The following SPECC1 variants were observed in gnomAD, a reference collection of about 807,000 sequenced individuals.
SPECC1 encodes sperm antigen with calponin homology and coiled-coil domains 1.
Under a neutral mutation model 104.1 loss-of-function variants are expected in SPECC1, and 62 were observed. The ratio of observed to expected loss-of-function variants is 0.60; its 90% confidence interval spans 0.49 to 0.74. SPECC1 has a LOEUF of 0.74. Ranked by LOEUF, SPECC1 falls within the 30% of genes least tolerant of loss-of-function variation. SPECC1 has a pLI of 0.00. For synonymous variants in SPECC1, 513 were observed against 501.6 expected (o/e 1.02, Z -0.30); for missense variants, 1,306 against 1,310.5 (o/e 1.00, Z 0.05).
At chr17:20,069,279 G>T (rs966579280) in intron 1 of SPECC1, among the ~76,000 whole-genome samples, 5 of 152,222 alleles carry the variant, frequency 3.3e-5, no homozygotes, top group Non-Finnish European at 7.3e-5. Context: ...TATAAAGGAC[G>T]TGATCTTGTT....
chr17:20,248,854 GTGTTT>G (rs2039520663), intron 9 of SPECC1, among the ~76,000 whole-genome samples: 1 of 151,918 alleles, frequency 6.6e-6, no homozygotes, highest in African/African-American at 2.4e-5. Context: ...TGTTTGTGTT[GTGTTT>G]TAAGATTTTG....
At chr17:20,178,195 T>C (rs1443867539) in intron 3 of SPECC1, among the ~76,000 whole-genome samples, 2 of 152,164 alleles carry the variant, frequency 1.3e-5, no homozygotes, top group Non-Finnish European at 2.9e-5. Context: ...TCCTCTCTAT[T>C]TTAAATAATA....
intron 3 of SPECC1, among the ~76,000 whole-genome samples, chr17:20,176,444 T>G (rs940344857): frequency 3.9e-5 from 6 of 152,300 alleles, no homozygotes; most frequent in African/African-American, 1.4e-4. Context: ...CTTCTTGCCT[T>G]CTCTAAGGTA....
chr17:20,198,535 C>A (rs1176837041), intron 3 of SPECC1, among the ~76,000 whole-genome samples: 3 of 152,166 alleles, frequency 2.0e-5, no homozygotes, highest in African/African-American at 7.2e-5. Context: ...ACTCTGTCAC[C>A]CACAGCCATT....
intron 1 of SPECC1, among the ~76,000 whole-genome samples, chr17:20,054,757 T>C (rs375118340): frequency 6.6e-5 from 10 of 152,202 alleles, no homozygotes; most frequent in African/African-American, 2.4e-4. Flanking sequence ...AGCCTTGACC[T>C]CCTGGGCTCA....
At chr17:20,070,619 A>T (rs2046513062) in intron 1 of SPECC1, among the ~76,000 whole-genome samples, 1 of 152,184 alleles carries the variant, frequency 6.6e-6, no homozygotes, top group South Asian at 2.1e-4. Flanking sequence ...CCATAATCTA[A>T]CCAATTAGAC....
At chr17:20,032,968 A>T (rs998262855) in intron 1 of SPECC1, among the ~76,000 whole-genome samples, 82 of 141,940 alleles carry the variant, frequency 5.8e-4, no homozygotes, top group East Asian at 4.4e-3. Flanking sequence ...ATATATGTAT[A>T]TTTTTTTTTT....
chr17:20,133,028 C>T (rs994404833), intron 3 of SPECC1, among the ~76,000 whole-genome samples: 2 of 152,104 alleles, frequency 1.3e-5, no homozygotes, highest in East Asian at 1.9e-4. Flanking sequence ...TGTGAGCCAC[C>T]GTGCCTAGCC....
intron 1 of SPECC1, among the ~76,000 whole-genome samples, chr17:20,019,859 GGCTTCTTTGTCA>G (rs2044302804): frequency 2.6e-5 from 1 of 38,102 alleles, no homozygotes; most frequent in African/African-American, 1.3e-4. Context: ...TTTCATCACT[GGCTTCTTTGTCA>G]CTGGCTTCTT....
chr17:20,176,170 G>C (rs904802908), intron 3 of SPECC1, among the ~76,000 whole-genome samples: 11 of 152,228 alleles, frequency 7.2e-5, no homozygotes, highest in Middle Eastern at 3.4e-3. Context: ...GTGTAAAATG[G>C]GGCTGTTAGT....
intron 3 of SPECC1, among the ~76,000 whole-genome samples, chr17:20,160,252 G>A (rs2033011651): frequency 6.6e-6 from 1 of 152,138 alleles, no homozygotes; most frequent in African/African-American, 2.4e-5. Context: ...GGGGCCATCA[G>A]CAGGTGGTTG....
At chr17:20,044,748 A>C (rs537877830) in intron 1 of SPECC1, among the ~76,000 whole-genome samples, 5 of 152,322 alleles carry the variant, frequency 3.3e-5, no homozygotes, top group Admixed American at 2.6e-4. Flanking sequence ...TCTAGCTTTG[A>C]GACTATAATG....
chr17:20,031,414 G>A (rs188626531), intron 1 of SPECC1, among the ~76,000 whole-genome samples: 9 of 152,266 alleles, frequency 5.9e-5, no homozygotes, highest in African/African-American at 1.9e-4. Context: ...CCGCCTTCTG[G>A]TTTCAAGCAA....
intron 12 of SPECC1, among the ~76,000 whole-genome samples, chr17:20,295,639 G>A (rs2041324290): frequency 6.6e-6 from 1 of 152,212 alleles, no homozygotes. Context: ...CCCACCAACA[G>A]TGTAAAAGTG....
At chr17:20,113,014 T>C (rs2048570586) in intron 3 of SPECC1, 1 of 849,654 alleles carries the variant, frequency 1.2e-6, no homozygotes, top group African/African-American at 1.7e-5. Context: ...TGGAGGAACA[T>C]GTACAAGATG....
intron 14 of SPECC1, among the ~76,000 whole-genome samples, chr17:20,310,932 G>A (rs1393200198): frequency 6.6e-6 from 1 of 152,068 alleles, no homozygotes; most frequent in Admixed American, 6.6e-5. Flanking sequence ...CCTCATGGAG[G>A]TCCTGCAAGG....
At chr17:20,115,674 G>C (rs2048720497) in intron 3 of SPECC1, among the ~76,000 whole-genome samples, 1 of 152,150 alleles carries the variant, frequency 6.6e-6, no homozygotes, top group South Asian at 2.1e-4. Flanking sequence ...AAAAACTGTA[G>C]TTATCTCTAT....
At chr17:20,253,114 C>G (rs1241898798) in intron 9 of SPECC1, among the ~76,000 whole-genome samples, 1 of 151,642 alleles carries the variant, frequency 6.6e-6, no homozygotes. Flanking sequence ...TTTGCATTTC[C>G]CTGATGATTA....
chr17:20,085,360 C>T (rs909916526), intron 1 of SPECC1, among the ~76,000 whole-genome samples: 2 of 152,184 alleles, frequency 1.3e-5, no homozygotes, highest in South Asian at 2.1e-4. Context: ...CCATAGGGGG[C>T]AGCGGAAGTG....
Sources: gnomAD v4.1 joint callset for allele counts (sites outside exome capture counted in the v4.1 genomes callset) on GRCh38, gnomAD v4.1.1 for gene constraint, MANE v1.5 for transcripts, NCBI Gene and HGNC (gene_info 2026-07-23, HGNC 2026-07-21) for gene names.